The following C1orf141 variants were observed in gnomAD, a reference collection of about 807,000 sequenced individuals.
The protein encoded by C1orf141 is chromosome 1 open reading frame 141, also known as uncharacterized protein C1orf141.
A neutral mutation model predicts 23.2 loss-of-function variants in C1orf141; 19 were observed. The ratio of observed to expected loss-of-function variants is 0.82; its 90% CI spans 0.57 to 1.20. C1orf141 has a LOEUF of 1.20. Ranked by LOEUF, C1orf141 falls within the 50% of genes most tolerant of loss-of-function variation. The probability of loss-of-function intolerance (pLI) is 0.00; values close to 1 mark genes in which losing one functional copy is unlikely to be tolerated. For missense variants in C1orf141, 469 were observed against 455.1 expected, an observed-to-expected ratio of 1.03 and a Z score of -0.28; for synonymous variants, 153 against 154.6, an observed-to-expected ratio of 0.99 and a Z score of 0.08.
At chr1:67,136,904 C>G (rs1646590382), upstream of C1orf141, among the ~76,000 whole-genome samples, 1 of 152,126 alleles carries the variant, frequency 6.6e-6, no homozygotes, top group Admixed American at 6.6e-5. Context: ...TTCCTAACTA[C>G]TTTAATTGCT....
chr1:67,107,981 C>T (rs1570696968), intron 5 of C1orf141, among the ~76,000 whole-genome samples: 1 of 152,256 alleles, frequency 6.6e-6, no homozygotes, highest in East Asian at 1.9e-4. Flanking sequence ...CCCTCATATC[C>T]TAAAGTAAGG....
At chr1:67,125,679 A>G (rs1039830811) in intron 4 of C1orf141, 73 bp downstream of exon 4, 1 of 1,405,092 alleles carries the variant, frequency 7.1e-7, no homozygotes, top group Non-Finnish European at 1.0e-6. Flanking sequence ...ACCCTAGGCA[A>G]TGAGTGAGTC....
Position 67,134,952 on chromosome 1 carries a change from C to G in C1orf141, c.-126G>C, listed in dbSNP as rs1022301258. 3.3e-5 allele frequency: 5 copies of G among 152,470 alleles called. No homozygotes were observed. Among genetic ancestry groups the G allele is most frequent in the Admixed American group, 2.0e-4 (3 of 15,284 alleles). The allele number at this position is 152,470 out of a possible 1,614,324, so 9.4% of individuals were successfully genotyped here. On this transcript the variant is annotated 5_prime_UTR_variant, in exon 1 of 8. Transcript: ENST00000684719. ...AACCTCATCTCCTTTCCTCCCTCTT[C>G]TGGCTCCGCGGGTTACTCGCCCCGC... is the stretch of plus-strand genomic sequence containing the variant.
chr1:67,095,702 A>G lies in C1orf141; in HGVS notation c.417-281T>C, dbSNP rs550328217. Reference sequence around the variant, plus strand: ...GTTGAGGAGAACACCAAAGGTAGAGAGGTATTTGCAACGTCCTATGTTGAA... The same window carrying G: ...GTTGAGGAGAACACCAAAGGTAGAGGGGTATTTGCAACGTCCTATGTTGAA... On this transcript the variant is annotated intron_variant, in intron 6 of 7. Transcript: ENST00000684719. 1.1e-5 allele frequency: 3 copies of G among 274,232 alleles called. No homozygotes were observed. The East Asian group carries it at 2.1e-4, about 19-fold the overall frequency. 17.0% of individuals were successfully genotyped at this position (274,232 alleles called of 1,614,324 possible). A position where few individuals can be genotyped will look rare whatever the true frequency, so the allele number is the denominator to read the frequency against.
At chr1:67,120,903 G>A (rs181115457) in intron 4 of C1orf141, among the ~76,000 whole-genome samples, 33 of 152,256 alleles carry the variant, frequency 2.2e-4, no homozygotes, top group African/African-American at 7.2e-4. Context: ...GGGATCCTTC[G>A]CAGAAGAAAT....
chr1:67,122,209 G>T (rs1558201602), intron 4 of C1orf141: 1 of 152,164 alleles, frequency 6.6e-6, no homozygotes, highest in Non-Finnish European at 1.5e-5. Flanking sequence ...GCTAACTTTT[G>T]TATTTTTAGT....
intron 4 of C1orf141, among the ~76,000 whole-genome samples, chr1:67,116,962 C>G (rs983333198): frequency 6.6e-6 from 1 of 152,080 alleles, no homozygotes; most frequent in Non-Finnish European, 1.5e-5. Context: ...GAATTCATCA[C>G]TGGTAAATTT....
intron 3 of C1orf141, among the ~76,000 whole-genome samples, chr1:67,126,403 G>A (rs903911848): frequency 1.3e-5 from 2 of 152,140 alleles, no homozygotes; most frequent in African/African-American, 4.8e-5. Flanking sequence ...GAAGAAAAAG[G>A]ATCTAGCTAA....
chr1:67,109,249 C>T (rs931632735), intron 5 of C1orf141, among the ~76,000 whole-genome samples: 6 of 141,826 alleles, frequency 4.2e-5, no homozygotes, highest in African/African-American at 1.3e-4. Flanking sequence ...ATGGCCTGAA[C>T]GCAGGAGGCA....
At chr1:67,138,212 A>G (rs79578699), upstream of C1orf141, among the ~76,000 whole-genome samples, 1 of 152,222 alleles carries the variant, frequency 6.6e-6, no homozygotes, top group Non-Finnish European at 1.5e-5. Context: ...TCTTTACTTC[A>G]TTATCCCCTA....
intron 4 of C1orf141, among the ~76,000 whole-genome samples, chr1:67,116,436 A>G (rs540445770): frequency 2.0e-5 from 3 of 151,640 alleles, no homozygotes; most frequent in East Asian, 2.0e-4. Context: ...CCCCTTCCCT[A>G]TGTCTCTAGC....
chr1:67,121,394 C>T (rs750975263), intron 4 of C1orf141, among the ~76,000 whole-genome samples: 2 of 152,140 alleles, frequency 1.3e-5, no homozygotes, highest in African/African-American at 2.4e-5. Flanking sequence ...AGACAGACAA[C>T]GACTCAAGCC....
At chr1:67,105,152 C>A (rs1312344242) in intron 5 of C1orf141, among the ~76,000 whole-genome samples, 1 of 151,682 alleles carries the variant, frequency 6.6e-6, no homozygotes, top group Non-Finnish European at 1.5e-5. Context: ...CGTGGTGAAA[C>A]CCCGTCTCTA....
intron 1 of C1orf141, among the ~76,000 whole-genome samples, chr1:67,134,326 AC>A (rs67449148): frequency 0.83 from 125,701 of 152,196 alleles, 51,930 homozygotes; most frequent in East Asian, 0.92. Flanking sequence ...TCTAAGAAAA[AC>A]TACTAAGGAA....
chr1:67,135,433 C>A (rs1239585243), upstream of C1orf141, among the ~76,000 whole-genome samples: 2 of 152,156 alleles, frequency 1.3e-5, no homozygotes, highest in African/African-American at 2.4e-5. Context: ...ATTTCCAAGG[C>A]CAAGAAACCT....
intron 7 of C1orf141, chr1:67,094,307 T>C (rs1242175960): frequency 6.6e-6 from 1 of 152,206 alleles, no homozygotes; most frequent in South Asian, 2.1e-4. Flanking sequence ...GCCATAGTAA[T>C]GGATGTTTGT....
intron 5 of C1orf141, chr1:67,103,195 G>T: frequency 1.8e-6 from 2 of 1,142,250 alleles, no homozygotes; most frequent in East Asian, 5.3e-5. Flanking sequence ...TTTAGGTGCA[G>T]ATAACTTTCA....
At chr1:67,103,442 T>C in intron 5 of C1orf141, 1 of 1,007,312 alleles carries the variant, frequency 9.9e-7, no homozygotes, top group Non-Finnish European at 1.3e-6. Context: ...TGTATATTAA[T>C]AAATAATTTA....
At chr1:67,116,698 A>G (rs915870262) in intron 4 of C1orf141, among the ~76,000 whole-genome samples, 5 of 152,070 alleles carry the variant, frequency 3.3e-5, no homozygotes, top group Non-Finnish European at 2.9e-5. Flanking sequence ...TCTCAGCTCC[A>G]CATGAACGCT....
Sources: gnomAD v4.1 joint callset for allele counts (sites outside exome capture counted in the v4.1 genomes callset) on GRCh38, gnomAD v4.1.1 for gene constraint, MANE v1.5 for transcripts, NCBI Gene and HGNC (gene_info 2026-07-23, HGNC 2026-07-21) for gene names.